The following CNTNAP2 variants were observed in gnomAD, a reference collection of about 807,000 sequenced individuals.
CNTNAP2 encodes the protein contactin-associated protein-like 2.
In CNTNAP2, 98 loss-of-function variants were observed where a neutral mutation model predicts 155.2. The observed-to-expected ratio is 0.63, with a 90% CI of 0.54 to 0.75. The LOEUF is 0.75. Ranked by LOEUF, CNTNAP2 falls within the 30% of genes least tolerant of loss-of-function variation. CNTNAP2 has a pLI of 0.00. For synonymous variants in CNTNAP2, 651 were observed against 631.2 expected (o/e 1.03, Z -0.47); for missense variants, 1,727 against 1,688.1 (o/e 1.02, Z -0.40).
intron 1 of CNTNAP2, among the ~76,000 whole-genome samples, chr7:146,133,817 C>G (rs1244643756): frequency 2.0e-5 from 3 of 152,098 alleles, no homozygotes; most frequent in African/African-American, 4.8e-5. Flanking sequence ...GTTACTGTAG[C>G]CTTGTAGTAT....
At chr7:148,283,687 T>C (rs1195397419) in intron 21 of CNTNAP2, among the ~76,000 whole-genome samples, 3 of 152,184 alleles carry the variant, frequency 2.0e-5, no homozygotes, top group Non-Finnish European at 2.9e-5. Flanking sequence ...GTGATTTTAC[T>C]GTATAAAATG....
At chr7:146,331,314 A>AT (rs747501717) in intron 1 of CNTNAP2, among the ~76,000 whole-genome samples, 8,446 of 149,088 alleles carry the variant, frequency 0.057, 343 homozygotes, top group African/African-American at 0.11. Flanking sequence ...AAAAAAAAAA[A>AT]AAATAAAAAT....
At chr7:146,674,817 G>A (rs530192142) in intron 1 of CNTNAP2, among the ~76,000 whole-genome samples, 1 of 152,144 alleles carries the variant, frequency 6.6e-6, no homozygotes, top group African/African-American at 2.4e-5. Context: ...GTAAATAAGG[G>A]CTATTTAGTA....
At chr7:148,410,000 A>G (rs189035308) in intron 23 of CNTNAP2, among the ~76,000 whole-genome samples, 2 of 87,818 alleles carry the variant, frequency 2.3e-5, no homozygotes, top group African/African-American at 5.2e-5. Flanking sequence ...GCAGTGAGCC[A>G]AGATTGTGCC....
At chr7:147,818,024 T>A (rs1798302873) in intron 13 of CNTNAP2, among the ~76,000 whole-genome samples, 1 of 152,112 alleles carries the variant, frequency 6.6e-6, no homozygotes, top group Non-Finnish European at 1.5e-5. Flanking sequence ...CTTTTCTGTA[T>A]ACAATTGGTA....
At chr7:147,151,717 A>AT (rs1166064071) in intron 8 of CNTNAP2, among the ~76,000 whole-genome samples, 1 of 152,180 alleles carries the variant, frequency 6.6e-6, no homozygotes, top group Non-Finnish European at 1.5e-5. Flanking sequence ...ATAAAACATA[A>AT]TTTTTATTTA....
In CNTNAP2 at chr7:148,314,633, C is replaced by T. The variant is rs189810089; in HGVS notation, c.3475+47507C>T. Reference sequence around the variant, plus strand: ...TGCCCCCTAGAAAAGCGGTACTTGCCGCTGAGGGTGAAGGAGAAGGAGTTG... The same window carrying T: ...TGCCCCCTAGAAAAGCGGTACTTGCTGCTGAGGGTGAAGGAGAAGGAGTTG... On this transcript the variant is annotated intron_variant, in intron 21 of 23. Transcript: ENST00000361727. Among the ~76,000 whole-genome samples, 1,457 of 151,632 alleles carry T rather than the reference C, an allele frequency of 9.6e-3. 21 individuals carry two copies. The highest frequency in any genetic ancestry group is 0.01 in the Non-Finnish European group (706 of 67,908).
intron 3 of CNTNAP2, among the ~76,000 whole-genome samples, chr7:146,920,957 T>G (rs1047325457): frequency 6.6e-6 from 1 of 152,210 alleles, no homozygotes; most frequent in African/African-American, 2.4e-5. Context: ...AGAAAATAAA[T>G]TAAGATAATA....
At chr7:148,147,748 A>T in intron 17 of CNTNAP2, 39 bp downstream of exon 17, 1 of 1,565,512 alleles carries the variant, frequency 6.4e-7, no homozygotes, top group Non-Finnish European at 8.7e-7. Context: ...CCCTCTGTTG[A>T]TTTTTAAGAG....
chr7:147,142,062 T>C (rs140601692), intron 8 of CNTNAP2, among the ~76,000 whole-genome samples: 2,705 of 152,218 alleles, frequency 0.018, 66 homozygotes, highest in African/African-American at 0.061. Context: ...GAATACCCTT[T>C]ATTTCCTTCT....
At chr7:147,035,873 A>G (rs1799143969) in intron 3 of CNTNAP2, among the ~76,000 whole-genome samples, 1 of 116,078 alleles carries the variant, frequency 8.6e-6, no homozygotes. Flanking sequence ...TTGAGAAAAA[A>G]AAAATGTTAG....
intron 22 of CNTNAP2, among the ~76,000 whole-genome samples, chr7:148,393,143 A>T (rs4726969): frequency 0.37 from 56,354 of 151,768 alleles, 10,950 homozygotes; most frequent in African/African-American, 0.45. Flanking sequence ...TCTGTTTTCT[A>T]CCTAACTACA....
At chr7:147,654,586 GACTTGCTCC>G (rs1326704908) in intron 13 of CNTNAP2, among the ~76,000 whole-genome samples, 1 of 152,140 alleles carries the variant, frequency 6.6e-6, no homozygotes, top group Non-Finnish European at 1.5e-5. Flanking sequence ...CATTCGCAGT[GACTTGCTCC>G]ACTGAAGTTT....
chr7:147,830,163 TA>T (rs3055144), intron 13 of CNTNAP2, among the ~76,000 whole-genome samples: 32,901 of 144,772 alleles, frequency 0.23, 3,768 homozygotes, highest in African/African-American at 0.28. Context: ...GGGTTGCTAT[TA>T]AAAAAAAAAA....
At chr7:147,061,867 G>T (rs137865937) in intron 4 of CNTNAP2, among the ~76,000 whole-genome samples, 2 of 152,188 alleles carry the variant, frequency 1.3e-5, no homozygotes, top group East Asian at 1.9e-4. Context: ...GGGCACGGTG[G>T]CTCACGCCTG....
At chr7:148,150,564 A>G (rs1407043397) in intron 17 of CNTNAP2, among the ~76,000 whole-genome samples, 3 of 151,620 alleles carry the variant, frequency 2.0e-5, no homozygotes, top group Non-Finnish European at 2.9e-5. Context: ...AAAAAACAAG[A>G]CTCTAAAACT....
intron 2 of CNTNAP2, among the ~76,000 whole-genome samples, chr7:146,831,010 G>T (rs748999781): frequency 1.3e-5 from 2 of 152,074 alleles, no homozygotes. Flanking sequence ...CAGATATTTT[G>T]TCAAATGCTT....
intron 4 of CNTNAP2, among the ~76,000 whole-genome samples, chr7:147,047,616 T>C (rs1799391385): frequency 6.6e-6 from 1 of 152,170 alleles, no homozygotes; most frequent in Admixed American, 6.5e-5. Flanking sequence ...TTTTTAACAA[T>C]AATAATTTTA....
intron 3 of CNTNAP2, among the ~76,000 whole-genome samples, chr7:146,853,118 T>G (rs1794912648): frequency 6.6e-6 from 1 of 152,190 alleles, no homozygotes; most frequent in Non-Finnish European, 1.5e-5. Context: ...GTCCAGTCCC[T>G]TTGGAAAGAT....
Sources: allele counts gnomAD v4.1 joint callset (sites outside exome capture counted in the v4.1 genomes callset), GRCh38; gene constraint gnomAD v4.1.1; transcripts MANE v1.5; gene names NCBI Gene and HGNC (gene_info 2026-07-23, HGNC 2026-07-21).